The following PTPRD variants were observed in gnomAD, a reference collection of about 807,000 sequenced individuals.
PTPRD encodes the protein receptor-type tyrosine-protein phosphatase delta.
In PTPRD, 34 loss-of-function variants were observed where a neutral mutation model predicts 214.5. The ratio of observed to expected loss-of-function variants is 0.16; its 90% CI spans 0.12 to 0.21. PTPRD has a LOEUF of 0.21. Among genes scored for constraint, PTPRD ranks in the 10% least tolerant of loss-of-function variants. The pLI is 1.00. For missense variants in PTPRD, 2,545 were observed against 2,398.7 expected (o/e 1.06, Z -1.27); for synonymous variants, 1,128 against 845.7 (o/e 1.33, Z -5.79).
chr9:8,966,278 T>C (rs536011870), intron 11 of PTPRD, among the ~76,000 whole-genome samples: 3 of 151,690 alleles, frequency 2.0e-5, no homozygotes, highest in Non-Finnish European at 2.9e-5. Flanking sequence ...AAAACAAAGA[T>C]CCCAAATAGC....
chr9:9,473,816 C>T (rs200223953), intron 8 of PTPRD, among the ~76,000 whole-genome samples: 7 of 143,846 alleles, frequency 4.9e-5, no homozygotes, highest in Admixed American at 6.9e-5. Flanking sequence ...GTTTTAAAAT[C>T]TTTTTTTTTT....
chr9:8,344,492 G>A (rs780109370), intron 39 of PTPRD, among the ~76,000 whole-genome samples: 3 of 151,588 alleles, frequency 2.0e-5, no homozygotes, highest in Non-Finnish European at 2.9e-5. Flanking sequence ...AATCAAATAC[G>A]TGTGAGTCCA....
chr9:10,467,587 T>A (rs2099003109), intron 2 of PTPRD, among the ~76,000 whole-genome samples: 1 of 152,150 alleles, frequency 6.6e-6, no homozygotes, highest in African/African-American at 2.4e-5. Flanking sequence ...AACGTGTGTG[T>A]ACATGTGTGA....
chr9:9,401,980 G>C (rs7853888), intron 8 of PTPRD, among the ~76,000 whole-genome samples: 37,764 of 151,962 alleles, frequency 0.25, 4,927 homozygotes, highest in Non-Finnish European at 0.3. Flanking sequence ...AAGTTACCTA[G>C]TCTCAGGCAG....
At chr9:9,524,094 T>A (rs1046213272) in intron 8 of PTPRD, among the ~76,000 whole-genome samples, 1 of 152,122 alleles carries the variant, frequency 6.6e-6, no homozygotes, top group African/African-American at 2.4e-5. Flanking sequence ...GAAGGTGTAC[T>A]GTATGTTACC....
intron 14 of PTPRD, among the ~76,000 whole-genome samples, chr9:8,612,489 G>A (rs2095485217): frequency 6.6e-6 from 1 of 152,180 alleles, no homozygotes; most frequent in Non-Finnish European, 1.5e-5. Flanking sequence ...AAAGGAAGCT[G>A]TTCAATTAAG....
intron 35 of PTPRD, among the ~76,000 whole-genome samples, chr9:8,436,174 G>A (rs751410461): frequency 6.6e-6 from 1 of 151,968 alleles, no homozygotes; most frequent in Non-Finnish European, 1.5e-5. Context: ...GTAGATAATA[G>A]AGTGGTGATT....
At chr9:10,137,539 TG>T (rs1406763568) in intron 3 of PTPRD, among the ~76,000 whole-genome samples, 1 of 77,712 alleles carries the variant, frequency 1.3e-5, no homozygotes, top group Non-Finnish European at 2.4e-5. Context: ...TATCACACTC[TG>T]GGGACTGTGG....
At chr9:9,532,889 C>G (rs2075782727) in intron 8 of PTPRD, among the ~76,000 whole-genome samples, 1 of 152,096 alleles carries the variant, frequency 6.6e-6, no homozygotes, top group South Asian at 2.1e-4. Context: ...CTACTGAAAC[C>G]TCTCTTAAAA....
chr9:8,656,545 G>A (rs1028454894), intron 12 of PTPRD, among the ~76,000 whole-genome samples: 1 of 152,090 alleles, frequency 6.6e-6, no homozygotes, highest in Admixed American at 6.6e-5. Flanking sequence ...CGTCACACTG[G>A]CATGGTCAAA....
chr9:8,787,394 T>C (rs1056474193), intron 11 of PTPRD, among the ~76,000 whole-genome samples: 11 of 152,214 alleles, frequency 7.2e-5, no homozygotes, highest in African/African-American at 2.7e-4. Context: ...CATCCCTCAT[T>C]TCTGACGATG....
chr9:10,437,025 A>T (rs186051722), intron 2 of PTPRD, among the ~76,000 whole-genome samples: 1 of 151,930 alleles, frequency 6.6e-6, no homozygotes. Context: ...TTAGCTGCTG[A>T]GATAAGTATA....
intron 8 of PTPRD, among the ~76,000 whole-genome samples, chr9:9,447,514 A>T (rs2090844425): frequency 2.6e-5 from 4 of 151,976 alleles, no homozygotes; most frequent in Admixed American, 2.6e-4. Context: ...GACCTATTGG[A>T]GGGTAGGAAG....
At chr9:10,051,967 C>A (rs2097543599) in intron 3 of PTPRD, among the ~76,000 whole-genome samples, 1 of 151,940 alleles carries the variant, frequency 6.6e-6, no homozygotes, top group African/African-American at 2.4e-5. Context: ...GTTTTTGAGA[C>A]AAGGTTTTGC....
intron 2 of PTPRD, among the ~76,000 whole-genome samples, chr9:10,411,065 C>T (rs746727385): frequency 6.6e-6 from 1 of 151,670 alleles, no homozygotes; most frequent in Non-Finnish European, 1.5e-5. Flanking sequence ...CAAATGTTTG[C>T]CTGTTACCTT....
intron 7 of PTPRD, among the ~76,000 whole-genome samples, chr9:9,709,461 C>T (rs551588636): frequency 6.6e-6 from 1 of 151,752 alleles, no homozygotes; most frequent in Non-Finnish European, 1.5e-5. Context: ...AAACTATAGA[C>T]CTGAACAATA....
chr9:10,604,578 C>T lies in PTPRD; in HGVS notation c.-600+7820G>A, dbSNP rs577604160. Among the ~76,000 whole-genome samples, 554 of 151,920 alleles carry T rather than the reference C, an allele frequency of 3.6e-3. 4 individuals carry two copies. The highest frequency in any genetic ancestry group is 0.01 in the Middle Eastern group (3 of 294). ...TGCAAGAAAGCCTTGTTGCTTGCAA[C>T]CACACAGGTATAAATGATGAGGCTA... On this transcript the variant is annotated intron_variant, in intron 2 of 45. Coordinates refer to ENST00000381196, the MANE Select transcript of PTPRD (RefSeq NM_002839.4).
intron 11 of PTPRD, among the ~76,000 whole-genome samples, chr9:8,791,429 T>A (rs1342124065): frequency 6.6e-6 from 1 of 152,034 alleles, no homozygotes; most frequent in East Asian, 1.9e-4. Flanking sequence ...TTTCACCATG[T>A]TGGTCAGGCT....
intron 5 of PTPRD, among the ~76,000 whole-genome samples, chr9:9,914,111 C>T (rs545452369): frequency 3.3e-5 from 5 of 152,172 alleles, no homozygotes; most frequent in Non-Finnish European, 5.9e-5. Flanking sequence ...CAAACCCACC[C>T]TTGAACTAGC....
Sources: gnomAD v4.1 joint callset for allele counts (sites outside exome capture counted in the v4.1 genomes callset) on GRCh38, gnomAD v4.1.1 for gene constraint, MANE v1.5 for transcripts, NCBI Gene and HGNC (gene_info 2026-07-23, HGNC 2026-07-21) for gene names.